CC2D2B: variants seen among roughly 807,000 people sequenced by gnomAD.
CC2D2B encodes the protein coiled-coil and C2 domain containing 2B, also known as protein CC2D2B.
In CC2D2B, 128 loss-of-function variants were observed where a neutral mutation model predicts 161.2. The ratio of observed to expected loss-of-function variants is 0.79; its 90% confidence interval spans 0.69 to 0.92. CC2D2B has a LOEUF of 0.92. Ranked by LOEUF, CC2D2B falls within the 40% of genes least tolerant of loss-of-function variation. CC2D2B has a pLI of 0.00. For synonymous variants in CC2D2B, 391 were observed against 449.8 expected, an observed-to-expected ratio of 0.87 and a Z score of 1.65; for missense variants, 1,173 against 1,375.1, an observed-to-expected ratio of 0.85 and a Z score of 2.32.
intron 12 of CC2D2B, among the ~76,000 whole-genome samples, chr10:95,964,523 A>T (rs985217027): frequency 2.0e-5 from 3 of 152,146 alleles, no homozygotes; most frequent in Non-Finnish European, 4.4e-5. Flanking sequence ...GAAAATAATA[A>T]TAATATTTAT....
chr10:95,947,216 G>A (rs1055595117), intron 9 of CC2D2B, among the ~76,000 whole-genome samples: 7 of 147,428 alleles, frequency 4.7e-5, no homozygotes, highest in African/African-American at 7.5e-5. Flanking sequence ...GGGTTCTAGC[G>A]ATTCTCCTGC....
chr10:95,998,422 T>G (rs1046414953), intron 24 of CC2D2B, among the ~76,000 whole-genome samples: 3 of 152,174 alleles, frequency 2.0e-5, no homozygotes, highest in African/African-American at 7.2e-5. Flanking sequence ...TGTCTATTCA[T>G]CCCTCCCTCC....
At chr10:95,939,967 T>C (rs1003837034) in intron 9 of CC2D2B, among the ~76,000 whole-genome samples, 2 of 152,192 alleles carry the variant, frequency 1.3e-5, no homozygotes, top group African/African-American at 4.8e-5. Flanking sequence ...ACTGGGTAAT[T>C]TATAAATAAA....
intron 16 of CC2D2B, among the ~76,000 whole-genome samples, chr10:95,972,791 T>C (rs544636880): frequency 6.6e-6 from 1 of 152,250 alleles, no homozygotes; most frequent in South Asian, 2.1e-4. Context: ...AGCTCTGCTT[T>C]TGAGTGGGCT....
Position 95,947,113 on chromosome 10 carries a change from A to ATAT in CC2D2B, c.802-2782_802-2781insATT, listed in dbSNP as rs1289243570. Among the ~76,000 whole-genome samples the ATAT allele has an allele frequency of 1.1e-3, 51 of 48,384 alleles. 2 individuals carry two copies. The highest frequency in any genetic ancestry group is 1.8e-3 in the East Asian group (3 of 1,686). 31.7% of individuals were successfully genotyped at this position (48,384 alleles called of 152,430 possible). ...TATATATATATATATATATATATATATTTTTTTTTTTTTTTTTGAGACAAA... is the reference window on the plus strand; with the variant it reads ...TATATATATATATATATATATATATATATTTTTTTTTTTTTTTTTTGAGACAAA... On this transcript the variant is annotated intron_variant, in intron 9 of 34. Coordinates refer to ENST00000646931, the MANE Select transcript of CC2D2B (RefSeq NM_001349008.3).
chr10:96,025,900 A>T (rs1019886045), intron 33 of CC2D2B, among the ~76,000 whole-genome samples: 1 of 152,072 alleles, frequency 6.6e-6, no homozygotes, highest in South Asian at 2.1e-4. Context: ...ACTAGCACAC[A>T]TCTCCCCCCA....
At chr10:95,996,398 C>T (rs757417124) in intron 24 of CC2D2B, 146 bp downstream of exon 24, 16 of 530,054 alleles carry the variant, frequency 3.0e-5, no homozygotes, top group Middle Eastern at 5.0e-4. Context: ...TAAACTAATA[C>T]ATAATGTATA....
chr10:95,943,714 A>T (rs1325523677), intron 9 of CC2D2B, among the ~76,000 whole-genome samples: 1 of 152,092 alleles, frequency 6.6e-6, no homozygotes, highest in Non-Finnish European at 1.5e-5. Flanking sequence ...CAATATTTGG[A>T]TCACTATGAA....
intron 17 of CC2D2B, among the ~76,000 whole-genome samples, chr10:95,979,807 A>C (rs1426559598): frequency 6.6e-6 from 1 of 152,234 alleles, no homozygotes; most frequent in Admixed American, 6.5e-5. Context: ...TACAACCATC[A>C]TTACAATCTG....
chr10:95,945,765 T>C (rs2141311222), intron 9 of CC2D2B, among the ~76,000 whole-genome samples: 1 of 150,604 alleles, frequency 6.6e-6, no homozygotes, highest in African/African-American at 2.4e-5. Flanking sequence ...AAGAATTCAT[T>C]CTAATGTTGG....
At chr10:95,914,400 G>T (rs1402237689) in intron 2 of CC2D2B, among the ~76,000 whole-genome samples, 1 of 152,120 alleles carries the variant, frequency 6.6e-6, no homozygotes, top group Non-Finnish European at 1.5e-5. Context: ...ACAATTTGAA[G>T]TCAGTGGTAT....
intron 2 of CC2D2B, among the ~76,000 whole-genome samples, chr10:95,914,796 A>G (rs766283421): frequency 6.6e-6 from 1 of 152,150 alleles, no homozygotes; most frequent in Non-Finnish European, 1.5e-5. Context: ...ACCCAGTCTC[A>G]GGTATTTCTT....
chr10:96,023,609 C>T (rs1204930976), intron 32 of CC2D2B, among the ~76,000 whole-genome samples: 4 of 152,214 alleles, frequency 2.6e-5, no homozygotes, highest in African/African-American at 9.6e-5. Context: ...CAGGGAATTC[C>T]GTCCACCTAT....
At chr10:95,909,294 C>A (rs1423114271) in intron 1 of CC2D2B, among the ~76,000 whole-genome samples, 2 of 152,202 alleles carry the variant, frequency 1.3e-5, no homozygotes, top group Non-Finnish European at 2.9e-5. Context: ...TCCACTTCTT[C>A]CATATCCTAA....
intron 2 of CC2D2B, chr10:95,920,245 A>G (rs1409949481): frequency 3.3e-5 from 5 of 152,370 alleles, no homozygotes; most frequent in Non-Finnish European, 7.3e-5. Flanking sequence ...TTTATAAAGG[A>G]AAGAGGTTTA....
chr10:95,932,011 C>G (rs2141231024), intron 6 of CC2D2B, among the ~76,000 whole-genome samples: 1 of 152,308 alleles, frequency 6.6e-6, no homozygotes, highest in Non-Finnish European at 1.5e-5. Context: ...GTGTGGGAGT[C>G]TAAGTCTCTT....
At chr10:96,020,932 A>C (rs950116211) in intron 32 of CC2D2B, 1 of 152,250 alleles carries the variant, frequency 6.6e-6, no homozygotes, top group Non-Finnish European at 1.5e-5. Flanking sequence ...CCAGCTACTC[A>C]GGACGCTTAG....
intron 6 of CC2D2B, among the ~76,000 whole-genome samples, chr10:95,936,100 G>A (rs1025364801): frequency 4.6e-5 from 7 of 152,204 alleles, no homozygotes; most frequent in Non-Finnish European, 1.0e-4. Context: ...CCACCCAGCA[G>A]AGTATGCCAG....
intron 4 of CC2D2B, 95 bp from the exon 5 acceptor site, chr10:95,924,684 C>T: frequency 1.3e-6 from 1 of 796,574 alleles, no homozygotes; most frequent in Non-Finnish European, 2.1e-6. Context: ...AAAAGAAAAA[C>T]ATTGCAAAGT....
Sources: gnomAD v4.1 joint callset for allele counts (sites outside exome capture counted in the v4.1 genomes callset) on GRCh38, gnomAD v4.1.1 for gene constraint, MANE v1.5 for transcripts, NCBI Gene and HGNC (gene_info 2026-07-23, HGNC 2026-07-21) for gene names.